Variants in SEMA3E observed in about 807,000 individuals in gnomAD.
SEMA3E encodes the protein semaphorin-3E.
SEMA3E carries 49 observed loss-of-function variants against 93.6 expected under a neutral mutation model. The ratio of observed to expected loss-of-function variants is 0.52; its 90% CI spans 0.42 to 0.66. The LOEUF (loss-of-function observed/expected upper bound fraction) is 0.66, where lower values mean the gene tolerates loss of function less well. SEMA3E is among the 30% of genes least tolerant of loss of function. The pLI, the probability that SEMA3E is intolerant of heterozygous loss-of-function variation, is 0.00. For missense variants in SEMA3E, 906 were observed against 964.8 expected (o/e 0.94, Z 0.81); for synonymous variants, 363 against 330.7 (o/e 1.10, Z -1.06).
intron 1 of SEMA3E, among the ~76,000 whole-genome samples, chr7:83,543,995 C>A (rs1021560862): frequency 6.6e-6 from 1 of 152,024 alleles, no homozygotes; most frequent in African/African-American, 2.4e-5. Context: ...CAAATGCTTT[C>A]TAAATTGTCA....
At chr7:83,643,691 A>G (rs763678918) in intron 1 of SEMA3E, among the ~76,000 whole-genome samples, 1 of 152,048 alleles carries the variant, frequency 6.6e-6, no homozygotes, top group African/African-American at 2.4e-5. Flanking sequence ...CACAGAAAGC[A>G]TATTTTATAT....
intron 14 of SEMA3E, among the ~76,000 whole-genome samples, chr7:83,389,953 T>C (rs768672535): frequency 1.1e-4 from 3 of 26,456 alleles, no homozygotes; most frequent in Non-Finnish European, 3.6e-4. Flanking sequence ...CACGTATATG[T>C]GTATAGTGTA....
At chr7:83,488,665 C>T (rs62476982) in intron 2 of SEMA3E, among the ~76,000 whole-genome samples, 12,036 of 152,102 alleles carry the variant, frequency 0.079, 631 homozygotes, top group Non-Finnish European at 0.12. Flanking sequence ...GATATGCTTC[C>T]GCAACATGGC....
At chr7:83,400,369 G>T in intron 10 of SEMA3E, 119 bp from the exon 11 acceptor site, 2 of 886,640 alleles carry the variant, frequency 2.3e-6, no homozygotes, top group Non-Finnish European at 3.7e-6. Context: ...TGTGCATTTA[G>T]AAATATTTAG....
intron 1 of SEMA3E, among the ~76,000 whole-genome samples, chr7:83,507,889 T>G (rs543320731): frequency 6.6e-6 from 1 of 152,054 alleles, no homozygotes; most frequent in Non-Finnish European, 1.5e-5. Flanking sequence ...AGGTTGAGGC[T>G]GCAGTGAGCA....
chr7:83,637,495 T>C (rs1320851330), intron 1 of SEMA3E, among the ~76,000 whole-genome samples: 2 of 152,140 alleles, frequency 1.3e-5, no homozygotes, highest in Non-Finnish European at 2.9e-5. Flanking sequence ...AAATCTCACC[T>C]TGAATTGTAA....
Position 83,645,501 on chromosome 7 carries a change from A to G in SEMA3E, c.115+2927T>C, listed in dbSNP as rs541508147. Among the ~76,000 whole-genome samples the G allele has an allele frequency of 2.6e-5, 4 of 152,208 alleles. No individual in the cohort carries two copies. In the South Asian group the frequency reaches 8.3e-4, roughly 32 times the overall value. ...GTAATTTACCTTGTAACTAGAAAATACATTAAAAGATTTATGTATTGCTTC... is the reference window on the plus strand; with the variant it reads ...GTAATTTACCTTGTAACTAGAAAATGCATTAAAAGATTTATGTATTGCTTC... On this transcript the variant is annotated intron_variant, in intron 1 of 16. Transcript: ENST00000643230.
intron 2 of SEMA3E, among the ~76,000 whole-genome samples, chr7:83,489,624 G>T (rs1369790959): frequency 6.6e-6 from 1 of 152,040 alleles, no homozygotes; most frequent in Non-Finnish European, 1.5e-5. Context: ...TCCAAAAGAT[G>T]TTGGTAGTTT....
At chr7:83,451,908 GCTTGCTGGGTCA>G (rs1233965136) in intron 4 of SEMA3E, among the ~76,000 whole-genome samples, 1 of 152,202 alleles carries the variant, frequency 6.6e-6, no homozygotes, top group Non-Finnish European at 1.5e-5. Context: ...AGACATGAAT[GCTTGCTGGGTCA>G]CAATTATGAG....
intron 1 of SEMA3E, among the ~76,000 whole-genome samples, chr7:83,518,550 T>G (rs1319750437): frequency 1.3e-5 from 2 of 152,170 alleles, no homozygotes; most frequent in Non-Finnish European, 2.9e-5. Flanking sequence ...CACTTAAACT[T>G]ATTTCAGTTT....
intron 16 of SEMA3E, among the ~76,000 whole-genome samples, chr7:83,376,953 T>C (rs948856021): frequency 1.3e-5 from 2 of 152,010 alleles, no homozygotes; most frequent in Non-Finnish European, 2.9e-5. Flanking sequence ...GCTGGTCTTA[T>C]GGGCCAGCAG....
chr7:83,383,404 C>T (rs1787818937), intron 16 of SEMA3E, among the ~76,000 whole-genome samples: 1 of 151,842 alleles, frequency 6.6e-6, no homozygotes, highest in Admixed American at 6.6e-5. Flanking sequence ...AAATTAAGAA[C>T]TCACATGCAA....
chr7:83,642,580 G>T (rs1794027470), intron 1 of SEMA3E, among the ~76,000 whole-genome samples: 1 of 151,972 alleles, frequency 6.6e-6, no homozygotes, highest in Non-Finnish European at 1.5e-5. Flanking sequence ...AAAGAATAAT[G>T]CTCACTTAAG....
intron 1 of SEMA3E, among the ~76,000 whole-genome samples, chr7:83,561,732 GAAGT>G (rs571345934): frequency 1.8e-3 from 270 of 152,184 alleles, no homozygotes; most frequent in African/African-American, 6.0e-3. Context: ...CTATTCATTT[GAAGT>G]AAGTATTTCA....
chr7:83,611,933 T>G (rs1167034333), intron 1 of SEMA3E, among the ~76,000 whole-genome samples: 1 of 152,126 alleles, frequency 6.6e-6, no homozygotes, highest in African/African-American at 2.4e-5. Flanking sequence ...GAGGCCCACA[T>G]GATCAGCTCC....
chr7:83,639,171 T>TCAGTAGATCTGATTCAGCAGCTCC (rs1793947735), intron 1 of SEMA3E, among the ~76,000 whole-genome samples: 2 of 145,478 alleles, frequency 1.4e-5, no homozygotes, highest in Admixed American at 1.4e-4. Context: ...AATTATTGAT[T>TCAGTAGATCTGATTCAGCAGCTCC]CAGTAGATCT....
intron 5 of SEMA3E, among the ~76,000 whole-genome samples, chr7:83,411,217 A>G (rs1336276167): frequency 6.6e-6 from 1 of 152,118 alleles, no homozygotes. Context: ...TACCATATTC[A>G]GAGACAATTC....
Position 83,550,138 on chromosome 7 carries a change from A to G in SEMA3E, c.116-59864T>C, listed in dbSNP as rs1384834835. On this transcript the variant is annotated intron_variant, in intron 1 of 16. Transcript: ENST00000643230. ...GAAAATCAACTGTCTTCATTCATCT[A>G]ATCTGCTTCGATATTAAACACATAT... 2.6e-5 allele frequency among the ~76,000 whole-genome samples: 4 copies of G among 152,116 alleles called. No individual in the cohort carries two copies. The East Asian group carries it at 7.7e-4, about 29-fold the overall frequency.
intron 1 of SEMA3E, among the ~76,000 whole-genome samples, chr7:83,498,677 C>G (rs1249633502): frequency 6.6e-6 from 1 of 152,022 alleles, no homozygotes; most frequent in Non-Finnish European, 1.5e-5. Context: ...CGGGGTCTCA[C>G]CATGTTGGCC....
Sources: gnomAD v4.1 joint callset for allele counts (sites outside exome capture counted in the v4.1 genomes callset) on GRCh38, gnomAD v4.1.1 for gene constraint, MANE v1.5 for transcripts, NCBI Gene and HGNC (gene_info 2026-07-23, HGNC 2026-07-21) for gene names.